PTPRS: variants seen among roughly 807,000 people sequenced by gnomAD.
The protein encoded by PTPRS is protein tyrosine phosphatase receptor type S.
Under a neutral mutation model 215.3 loss-of-function variants are expected in PTPRS, and 63 were observed. That is an observed-to-expected ratio of 0.29 (90% CI 0.24 to 0.36). PTPRS has a LOEUF of 0.36. Ranked by LOEUF, PTPRS falls within the 10% of genes least tolerant of loss-of-function variation. PTPRS has a pLI of 1.00. For synonymous variants in PTPRS, 1,404 were observed against 1,191.4 expected (o/e 1.18, Z -3.68); for missense variants, 2,258 against 2,825.8 (o/e 0.80, Z 4.56).
intron 1 of PTPRS, among the ~76,000 whole-genome samples, chr19:5,310,269 A>G (rs140604700): frequency 2.1e-3 from 319 of 151,562 alleles, no homozygotes; most frequent in African/African-American, 7.2e-3. Flanking sequence ...TTCTGTAGCT[A>G]AAACAGCCCC....
intron 1 of PTPRS, among the ~76,000 whole-genome samples, chr19:5,311,472 G>C (rs1448531181): frequency 2.6e-5 from 4 of 152,116 alleles, no homozygotes; most frequent in African/African-American, 7.2e-5. Flanking sequence ...CCCCCAGCAG[G>C]GTCCTGGGCC....
intron 12 of PTPRS, 58 bp from the exon 13 acceptor site, chr19:5,239,121 A>C (rs563848483): frequency 6.6e-5 from 83 of 1,255,022 alleles, no homozygotes; most frequent in Non-Finnish European, 8.8e-5. Flanking sequence ...GAGAGACAGA[A>C]ACAAAGGGGA....
At chr19:5,333,658 C>T (rs1272819195) in intron 1 of PTPRS, among the ~76,000 whole-genome samples, 1 of 152,056 alleles carries the variant, frequency 6.6e-6, no homozygotes, top group Non-Finnish European at 1.5e-5. Flanking sequence ...AGTCTCTGTC[C>T]TTGGTGCCCC....
At position 5,222,842 on chromosome 19, in the gene PTPRS, G is replaced by A. The variant is rs1348958046; in HGVS notation, c.2950C>T (p.Pro984Ser). Residue 984 changes from proline to serine, a missense_variant, in exon 18 of 38, where the codon CCG (proline) becomes TCG (serine). Pro to Ser is a moderately conservative substitution (Grantham distance 74, BLOSUM62 -1). Transcript: ENST00000262963. ...ALGPARETEL[P>S]AAAEPGAENA... ...TCCGCGCCCGGCTCAGCCGCTGCCG[G>A]CAGCTCAGTCTCTCGGGCAGGGCCC... 1 of 1,593,894 alleles carries A rather than the reference G, an allele frequency of 6.3e-7. No homozygotes were observed. Among genetic ancestry groups the A allele is most frequent in the South Asian group, 1.1e-5 (1 of 90,462 alleles).
At chr19:5,334,572 A>C (rs1039520291) in intron 1 of PTPRS, among the ~76,000 whole-genome samples, 2 of 152,214 alleles carry the variant, frequency 1.3e-5, no homozygotes, top group African/African-American at 4.8e-5. Flanking sequence ...TCAGTCCAGC[A>C]TCCTTGCTCT....
At chr19:5,239,224 CAG>C (rs1216106597) in intron 12 of PTPRS, among the ~76,000 whole-genome samples, 161 bp from the exon 13 acceptor site, 1 of 126,886 alleles carries the variant, frequency 7.9e-6, no homozygotes, top group African/African-American at 3.1e-5. Context: ...CAGAGAGGGA[CAG>C]AGAGGGATGA....
Position 5,210,459 on chromosome 19 carries a change from C to A in PTPRS, c.5487+10G>T, listed in dbSNP as rs1484000384. ...TCCAGCCCCTCCCGCCAGTCTGTCT[C>A]TTCACTCACCCGGGCATCTGTGACC... is the stretch of plus-strand genomic sequence containing the variant. On this transcript the variant is annotated intron_variant, in intron 35 of 37. Transcript: ENST00000262963. This position sits in a 1 kb window ranked among gnomAD's most constrained non-coding sequence, Gnocchi z 4.5. The A allele has an allele frequency of 6.2e-7, 1 of 1,614,148 alleles. No individual in the cohort carries two copies.
In PTPRS at chr19:5,246,020, G is replaced by A. The variant is rs370369606; in HGVS notation, c.744C>T (p.Ser248=). 4 of 1,554,436 alleles carry A rather than the reference G, an allele frequency of 2.6e-6. No individual in the cohort carries two copies. The highest frequency in any genetic ancestry group is 1.8e-5 in the Admixed American group (1 of 54,580). ...TGATCTCGTGGCTCATGGGCAGGAT[G>A]GAGAAGCGCGGGGCCACGCGGCGGA... ...REVRRVAPRF[S]ILPMSHEIMP... Residue 248 remains serine, a synonymous_variant, in exon 10 of 38, where the codon TCC becomes TCT. Transcript: ENST00000262963.
intron 1 of PTPRS, among the ~76,000 whole-genome samples, chr19:5,336,666 T>C (rs2050511705): frequency 6.6e-6 from 1 of 152,094 alleles, no homozygotes; most frequent in African/African-American, 2.4e-5. Context: ...ATTTTTGGTT[T>C]TTTTGTTTTG....
At position 5,244,189 on chromosome 19, in the gene PTPRS, T is replaced by C; in HGVS notation, c.1282A>G (p.Ser428Gly). 2 of 1,600,878 alleles carry C rather than the reference T, an allele frequency of 1.2e-6. No homozygotes were observed. The highest frequency in any genetic ancestry group is 2.2e-5 in the South Asian group (2 of 89,378). Residue 428 changes from serine (S) to glycine (G), a missense_variant, in exon 11 of 38, where the codon AGC becomes GGC. Around this residue, in one of 6 missense-constraint regions of PTPRS, gnomAD observed 508 missense variants for 799.4 expected, o/e 0.64. Transcript: ENST00000262963. This position sits in a 1 kb window ranked among gnomAD's most constrained non-coding sequence, Gnocchi z 7.2. ...CGGGCTTGCACGTTCCGCGGCGCGC[T>C]GGCCGGGGCCTGCTCGCCTGTGCGG... ...VTRTGEQAPASAPRNVQARML... is the reference protein window; with the variant it reads ...VTRTGEQAPAGAPRNVQARML...
At position 5,229,269 on chromosome 19, in the gene PTPRS, C is replaced by A. The variant is rs530928053; in HGVS notation, c.2376+47G>T. ...GCAGGAGTCACAGCACAGCACGGCC[C>A]GCGGGAAGCGCACAGCAGTAGGTGG... On this transcript the variant is annotated intron_variant, in intron 16 of 37. Transcript: ENST00000262963. The A allele has an allele frequency of 1.5e-5, 20 of 1,364,728 alleles. No individual in the cohort carries two copies. The South Asian group carries it at 4.4e-4, about 30-fold the overall frequency. The allele number at this position is 1,364,728 out of a possible 1,614,324, so 84.5% of individuals were successfully genotyped here. A position where few individuals can be genotyped will look rare whatever the true frequency, so the allele number is the denominator to read the frequency against.
In PTPRS at chr19:5,206,637, G is replaced by T; in HGVS notation, c.*137C>A. Reference sequence around the variant, plus strand: ...GGCTCGAGGGGCTGCGTCGTCCTCGGAAATGGTGCAGAAACACAGCTGCTG... The same window carrying T: ...GGCTCGAGGGGCTGCGTCGTCCTCGTAAATGGTGCAGAAACACAGCTGCTG... On this transcript the variant is annotated 3_prime_UTR_variant, in exon 38 of 38. Transcript: ENST00000262963. 3 of 745,026 alleles carry T rather than the reference G, an allele frequency of 4.0e-6. No homozygotes were observed. The highest frequency in any genetic ancestry group is 6.7e-6 in the Non-Finnish European group (3 of 448,024). The allele number at this position is 745,026 out of a possible 1,614,324, so 46.2% of individuals were successfully genotyped here.
chr19:5,214,669 A>G lies in PTPRS; in HGVS notation c.4386T>C (p.Ile1462=), dbSNP rs2041250974. Residue 1462 remains isoleucine (I), a synonymous_variant, in exon 29 of 38, where the codon ATT becomes ATC. Transcript: ENST00000262963. Reference sequence around the variant, plus strand: ...TCTCAGGCAGCGGCCCCTGCGTGGCAATGTACGCGTTCTGACACCGGTAGC... The same window carrying G: ...TCTCAGGCAGCGGCCCCTGCGTGGCGATGTACGCGTTCTGACACCGGTAGC... ...VDGYRCQNAY[I]ATQGPLPETF... is the part of the protein sequence containing the mutation. The G allele has an allele frequency of 2.5e-6, 4 of 1,613,124 alleles. No individual in the cohort carries two copies. The highest frequency in any genetic ancestry group is 3.4e-6 in the Non-Finnish European group (4 of 1,179,900).
At position 5,244,325 on chromosome 19, in the gene PTPRS, G is replaced by A; in HGVS notation, c.1146C>T (p.Ile382=). Residue 382 remains isoleucine (I), a synonymous_variant, in exon 11 of 38, where the codon ATC becomes ATT. Coordinates refer to ENST00000262963, the MANE Select transcript of PTPRS (RefSeq NM_002850.4). The surrounding 1 kb of genome is among the most constrained non-coding windows in gnomAD (Gnocchi z 7.2). ...QDGPYQIKED[I]TTTRYSIGGL... ...CGCCGATGCTGTAACGTGTGGTGGT[G>A]ATGTCCTCTTTAATCTGATACGGCC... 1 of 1,614,258 alleles carries A rather than the reference G, an allele frequency of 6.2e-7. No individual in the cohort carries two copies. The highest frequency in any genetic ancestry group is 8.5e-7 in the Non-Finnish European group (1 of 1,180,046).
At chr19:5,307,362 C>A (rs1390747395) in intron 1 of PTPRS, among the ~76,000 whole-genome samples, 1 of 151,658 alleles carries the variant, frequency 6.6e-6, no homozygotes, top group Non-Finnish European at 1.5e-5. Flanking sequence ...AATAACAGTA[C>A]AAGAGGTCAA....
intron 11 of PTPRS, among the ~76,000 whole-genome samples, chr19:5,241,985 G>A (rs759592996): frequency 1.9e-4 from 29 of 152,154 alleles, no homozygotes; most frequent in Non-Finnish European, 3.5e-4. Flanking sequence ...ACAGACACAC[G>A]CTATCATGCC....
intron 13 of PTPRS, among the ~76,000 whole-genome samples, chr19:5,238,577 G>A (rs2043691582): frequency 6.6e-6 from 1 of 152,200 alleles, no homozygotes; most frequent in East Asian, 1.9e-4. Context: ...CCTTCAATCA[G>A]CCCCCACTCC....
chr19:5,293,468 G>A lies in PTPRS; in HGVS notation c.-94-7234C>T, dbSNP rs1055793396. 1.3e-5 allele frequency among the ~76,000 whole-genome samples: 2 copies of A among 152,018 alleles called. No individual in the cohort carries two copies. The highest frequency in any genetic ancestry group is 4.8e-5 in the African/African-American group (2 of 41,408). Reference sequence around the variant, plus strand: ...CGCAGGAGTCCATGAAACACTGAGCGAAGGGGCGCCCCAGGGAGGGCACGA... The same window carrying A: ...CGCAGGAGTCCATGAAACACTGAGCAAAGGGGCGCCCCAGGGAGGGCACGA... On this transcript the variant is annotated intron_variant, in intron 1 of 37. Coordinates refer to ENST00000262963, the MANE Select transcript of PTPRS (RefSeq NM_002850.4). This position sits in a 1 kb window ranked among gnomAD's most constrained non-coding sequence, Gnocchi z 8.4.
chr19:5,327,940 C>G (rs1205719020), intron 1 of PTPRS, among the ~76,000 whole-genome samples: 1 of 152,024 alleles, frequency 6.6e-6, no homozygotes, highest in Non-Finnish European at 1.5e-5. Context: ...AACCACTGTA[C>G]ACTTTCTGGG....
Sources: gnomAD v4.1 joint callset for allele counts (sites outside exome capture counted in the v4.1 genomes callset) on GRCh38, gnomAD v4.1.1 for gene constraint, gnomAD v4.1.1 regional missense constraint, Gnocchi (gnomAD v3.1) non-coding constraint, MANE v1.5 for transcripts, NCBI Gene and HGNC (gene_info 2026-07-23, HGNC 2026-07-21) for gene names.